Variants in RNF216 observed in about 807,000 individuals in gnomAD.
RNF216 encodes ring finger protein 216, also known as E3 ubiquitin-protein ligase RNF216.
In RNF216, 72 loss-of-function variants were observed where a neutral mutation model predicts 110.8. The observed-to-expected ratio is 0.65, with a 90% confidence interval of 0.54 to 0.79. The LOEUF (loss-of-function observed/expected upper bound fraction) is 0.79, where lower values mean the gene tolerates loss of function less well. Among genes scored for constraint, RNF216 ranks in the 30% least tolerant of loss-of-function variants. The pLI is 0.00. For synonymous variants in RNF216, 495 were observed against 407.5 expected (o/e 1.21, Z -2.59); for missense variants, 1,342 against 1,141.2 (o/e 1.18, Z -2.54).
intron 13 of RNF216, among the ~76,000 whole-genome samples, chr7:5,681,239 G>A (rs1238390990): frequency 2.6e-5 from 4 of 152,134 alleles, no homozygotes; most frequent in South Asian, 4.1e-4. Context: ...CCTAATGTAG[G>A]AACCTCCCTA....
chr7:5,691,889 T>C (rs778559130), intron 13 of RNF216, among the ~76,000 whole-genome samples: 2 of 152,248 alleles, frequency 1.3e-5, no homozygotes, highest in Non-Finnish European at 2.9e-5. Context: ...TTAATGCTTT[T>C]ACAGCGGAAG....
intron 3 of RNF216, among the ~76,000 whole-genome samples, chr7:5,743,341 A>C (rs1241456410): frequency 1.3e-5 from 2 of 152,206 alleles, no homozygotes; most frequent in African/African-American, 4.8e-5. Flanking sequence ...CTGTTCTATA[A>C]ACTCTATCGA....
intron 1 of RNF216, among the ~76,000 whole-genome samples, chr7:5,763,797 T>A (rs1223487606): frequency 6.6e-6 from 1 of 152,114 alleles, no homozygotes; most frequent in African/African-American, 2.4e-5. Flanking sequence ...GGTTTGGATA[T>A]CCCGGTCTCA....
intron 15 of RNF216, among the ~76,000 whole-genome samples, chr7:5,632,565 T>C (rs1389383002): frequency 6.6e-6 from 1 of 152,194 alleles, no homozygotes; most frequent in Non-Finnish European, 1.5e-5. Flanking sequence ...TCACCTGATG[T>C]CAGGGGTTCG....
chr7:5,650,536 T>A lies in RNF216; in HGVS notation c.2159+1877A>T, dbSNP rs570876124. Reference sequence around the variant, plus strand: ...GTATGTTTGCTGCTCATTTGGGTTGTCTGCAGAATTCAGTTGAGGTTGTAG... The same window carrying A: ...GTATGTTTGCTGCTCATTTGGGTTGACTGCAGAATTCAGTTGAGGTTGTAG... On this transcript the variant is annotated intron_variant, in intron 14 of 16. Coordinates refer to ENST00000389902, the MANE Select transcript of RNF216 (RefSeq NM_207111.4). Among the ~76,000 whole-genome samples the A allele has an allele frequency of 4.7e-3, 714 of 152,266 alleles. 8 individuals carry two copies. Among genetic ancestry groups the A allele is most frequent in the African/African-American group, 0.016 (670 of 41,548 alleles).
intron 5 of RNF216, among the ~76,000 whole-genome samples, chr7:5,732,691 TTC>T (rs1166872143): frequency 1.3e-5 from 2 of 152,210 alleles, no homozygotes; most frequent in African/African-American, 4.8e-5. Flanking sequence ...GACAAAGTTT[TTC>T]TTCTACAGAA....
chr7:5,646,078 G>A (rs139731246), intron 14 of RNF216, among the ~76,000 whole-genome samples: 68 of 152,246 alleles, frequency 4.5e-4, no homozygotes, highest in African/African-American at 1.5e-3. Flanking sequence ...CCCTGTGAAT[G>A]GGCCATACTT....
intron 3 of RNF216, among the ~76,000 whole-genome samples, chr7:5,744,398 A>G (rs1003968123): frequency 8.5e-5 from 13 of 152,172 alleles, no homozygotes; most frequent in East Asian, 1.9e-4. Context: ...TTCAAAACAC[A>G]TAACTGGAGT....
At chr7:5,751,578 C>T (rs905477900) in intron 3 of RNF216, among the ~76,000 whole-genome samples, 1 of 152,078 alleles carries the variant, frequency 6.6e-6, no homozygotes, top group Non-Finnish European at 1.5e-5. Context: ...TGCTTTAATT[C>T]TTACACAGGA....
intron 13 of RNF216, among the ~76,000 whole-genome samples, chr7:5,669,235 G>C (rs943081168): frequency 6.6e-6 from 1 of 152,154 alleles, no homozygotes; most frequent in African/African-American, 2.4e-5. Context: ...CTCTGATTCC[G>C]ACACATAGTA....
intron 13 of RNF216, among the ~76,000 whole-genome samples, chr7:5,687,188 G>C (rs1215796106): frequency 6.6e-6 from 1 of 152,086 alleles, no homozygotes; most frequent in East Asian, 1.9e-4. Flanking sequence ...CTGAGGTCAG[G>C]AGTTTGAGGC....
chr7:5,674,933 G>A (rs965654763), intron 13 of RNF216, among the ~76,000 whole-genome samples: 1 of 151,802 alleles, frequency 6.6e-6, no homozygotes, highest in Non-Finnish European at 1.5e-5. Flanking sequence ...GGAGGTGGAG[G>A]TTGCAGTGAG....
At chr7:5,640,793 C>G (rs1439569445) in intron 15 of RNF216, among the ~76,000 whole-genome samples, 1 of 152,124 alleles carries the variant, frequency 6.6e-6, no homozygotes, top group Non-Finnish European at 1.5e-5. Context: ...ATAAGAAAAT[C>G]TGTAGTTTTC....
intron 14 of RNF216, among the ~76,000 whole-genome samples, chr7:5,651,326 A>G (rs930162344): frequency 1.5e-4 from 23 of 151,854 alleles, no homozygotes; most frequent in African/African-American, 5.1e-4. Flanking sequence ...TCCCTGGTTC[A>G]AGCAATTCTC....
At chr7:5,654,347 G>A (rs1194362097) in intron 13 of RNF216, among the ~76,000 whole-genome samples, 4 of 151,962 alleles carry the variant, frequency 2.6e-5, no homozygotes, top group African/African-American at 9.7e-5. Context: ...AATGCTGAGG[G>A]AGCTGAGAAC....
rs113624458 is a variant in RNF216 at position 5,661,173 on chromosome 7, C to G, written c.2062-8663G>C. Among the ~76,000 whole-genome samples, 292 of 152,160 alleles carry G rather than the reference C, an allele frequency of 1.9e-3. 5 individuals carry two copies. The highest frequency in any genetic ancestry group is 0.01 in the Middle Eastern group (3 of 294). ...CAGGCTGGTCTTGAATTCCTGGCCTCAAGTGATCTGCCCACCTCGGCCTCC... is the reference window on the plus strand; with the variant it reads ...CAGGCTGGTCTTGAATTCCTGGCCTGAAGTGATCTGCCCACCTCGGCCTCC... On this transcript the variant is annotated intron_variant, in intron 13 of 16. Coordinates refer to ENST00000389902, the MANE Select transcript of RNF216 (RefSeq NM_207111.4).
rs547708820 is a variant in RNF216, at chr7:5,676,749, A to C, written c.2062-24239T>G. ...CGGCCTAACAACTGGGAGAGAAAGA[A>C]AACTCCTAAACATACAGTGCAACCT... On this transcript the variant is annotated intron_variant, in intron 13 of 16. Coordinates refer to ENST00000389902, the MANE Select transcript of RNF216 (RefSeq NM_207111.4). 6.6e-5 allele frequency among the ~76,000 whole-genome samples: 10 copies of C among 152,348 alleles called. No homozygotes were observed. The South Asian group carries it at 2.1e-3, about 32-fold the overall frequency.
chr7:5,755,147 A>G (rs1017988435), intron 2 of RNF216, among the ~76,000 whole-genome samples: 3 of 131,514 alleles, frequency 2.3e-5, no homozygotes, highest in African/African-American at 7.6e-5. Context: ...GGAGGAAGGA[A>G]AGAAGGAAGG....
chr7:5,655,121 G>T (rs1201874807), intron 13 of RNF216, among the ~76,000 whole-genome samples: 1 of 152,236 alleles, frequency 6.6e-6, no homozygotes, highest in Non-Finnish European at 1.5e-5. Context: ...CATAAGGGAA[G>T]AAACCCCATT....
Sources: allele counts gnomAD v4.1 joint callset (sites outside exome capture counted in the v4.1 genomes callset), GRCh38; gene constraint gnomAD v4.1.1; transcripts MANE v1.5; gene names NCBI Gene and HGNC (gene_info 2026-07-23, HGNC 2026-07-21).